Variants in ZNF277 observed in about 807,000 individuals in gnomAD.
The protein encoded by ZNF277 is nuclear receptor-interacting factor 4.
Under a neutral mutation model 60.7 loss-of-function variants are expected in ZNF277, and 55 were observed. That is an observed-to-expected ratio of 0.91 (90% confidence interval 0.73 to 1.13). The LOEUF is 1.13. Among genes scored for constraint, ZNF277 ranks in the 50% most tolerant of loss-of-function variants. The probability of loss-of-function intolerance (pLI) is 0.00; values close to 1 mark genes in which losing one functional copy is unlikely to be tolerated. For synonymous variants in ZNF277, 178 were observed against 179.3 expected (o/e 0.99, Z 0.06); for missense variants, 510 against 523.0 (o/e 0.98, Z 0.24).
chr7:112,332,528 C>G (rs1041013807), intron 7 of ZNF277, among the ~76,000 whole-genome samples: 1 of 152,128 alleles, frequency 6.6e-6, no homozygotes, highest in Non-Finnish European at 1.5e-5. Context: ...ATGATCTATT[C>G]TCCCACCCTT....
chr7:112,217,647 G>T (rs541734530), intron 1 of ZNF277, among the ~76,000 whole-genome samples: 12 of 152,182 alleles, frequency 7.9e-5, no homozygotes, highest in Non-Finnish European at 1.8e-4. Context: ...AGAGATAACA[G>T]CCCTTTCCCA....
intron 4 of ZNF277, among the ~76,000 whole-genome samples, chr7:112,310,478 AGTGTGTGTGTGT>A (rs1554493410): frequency 8.0e-6 from 1 of 125,506 alleles, no homozygotes; most frequent in African/African-American, 3.9e-5. Context: ...AGAGAGAGAG[AGTGTGTGTGTGT>A]GTATGTATTT....
intron 6 of ZNF277, among the ~76,000 whole-genome samples, chr7:112,329,005 A>C (rs1269630343): frequency 6.6e-6 from 1 of 152,188 alleles, no homozygotes; most frequent in Non-Finnish European, 1.5e-5. Context: ...CTACCTATAA[A>C]ATAAGACCAG....
chr7:112,340,823 A>T, intron 10 of ZNF277, 49 bp from the exon 11 acceptor site: 1 of 1,541,426 alleles, frequency 6.5e-7, no homozygotes, highest in Non-Finnish European at 8.8e-7. Flanking sequence ...ATAGTGCAAA[A>T]AATGGGTCTG....
intron 1 of ZNF277, among the ~76,000 whole-genome samples, chr7:112,270,865 A>T (rs1791652711): frequency 6.6e-6 from 1 of 152,120 alleles, no homozygotes; most frequent in Non-Finnish European, 1.5e-5. Context: ...CACATAAAGC[A>T]TATCTCTGTC....
intron 1 of ZNF277, among the ~76,000 whole-genome samples, chr7:112,244,640 TTTTTC>T (rs1392066205): frequency 6.6e-6 from 1 of 152,082 alleles, no homozygotes; most frequent in Non-Finnish European, 1.5e-5. Flanking sequence ...CCCTAACCAG[TTTTTC>T]TTTTAAGTAT....
In ZNF277 at chr7:112,206,727, C is replaced by G; in HGVS notation, c.11C>G (p.Ser4Cys). 1 of 1,613,352 alleles carries G rather than the reference C, an allele frequency of 6.2e-7. No homozygotes were observed. The highest frequency in any genetic ancestry group is 2.2e-5 in the East Asian group (1 of 44,790). The change falls in exon 1 of 12, where the codon TCC becomes TGC. Residue 4 changes from serine (S) to cysteine (C), a missense_variant. Transcript: ENST00000361822. MAA[S>C]KTQGAVARMQ... ...CTTTTCTGCCGGGTAATGGCTGCTT[C>G]CAAGACCCAGGGGGCTGTCGCCCGA... is the stretch of plus-strand genomic sequence containing the variant.
At position 112,212,090 on chromosome 7, in the gene ZNF277, G is replaced by A. The variant is rs142017388; in HGVS notation, c.91+5283G>A. Among the ~76,000 whole-genome samples, 193 of 152,272 alleles carry A rather than the reference G, an allele frequency of 1.3e-3. 1 individual carries two copies. The highest frequency in any genetic ancestry group is 4.5e-3 in the African/African-American group (187 of 41,556). On this transcript the variant is annotated intron_variant, in intron 1 of 11. Coordinates refer to ENST00000361822, the MANE Select transcript of ZNF277 (RefSeq NM_021994.3). Reference sequence around the variant, plus strand: ...TATCAGGAGGATGATATTCTGTCAAGGTGATCATAGTTAGCATTTAAGGAT... The same window carrying A: ...TATCAGGAGGATGATATTCTGTCAAAGTGATCATAGTTAGCATTTAAGGAT...
intron 1 of ZNF277, among the ~76,000 whole-genome samples, chr7:112,207,638 C>T (rs962590260): frequency 1.4e-4 from 22 of 152,094 alleles, no homozygotes; most frequent in Admixed American, 2.6e-4. Flanking sequence ...TAGTCTATCC[C>T]TCCCCCATTC....
chr7:112,292,813 A>G (rs1441464343), intron 2 of ZNF277, among the ~76,000 whole-genome samples: 1 of 152,144 alleles, frequency 6.6e-6, no homozygotes, highest in Non-Finnish European at 1.5e-5. Context: ...AGCCACCTAT[A>G]TGTGCCCTCT....
At chr7:112,248,412 T>G (rs1230646067) in intron 1 of ZNF277, among the ~76,000 whole-genome samples, 2 of 151,400 alleles carry the variant, frequency 1.3e-5, no homozygotes, top group East Asian at 3.9e-4. Context: ...GTCAGAAGAA[T>G]GAACAAGTGC....
intron 1 of ZNF277, among the ~76,000 whole-genome samples, chr7:112,267,981 A>G (rs1313225147): frequency 6.6e-6 from 1 of 152,098 alleles, no homozygotes; most frequent in Non-Finnish European, 1.5e-5. Flanking sequence ...CCCAGTTAAG[A>G]CCCATTCATA....
chr7:112,244,316 G>A (rs1377387725), intron 1 of ZNF277, among the ~76,000 whole-genome samples: 1 of 152,058 alleles, frequency 6.6e-6, no homozygotes, highest in African/African-American at 2.4e-5. Flanking sequence ...GTCTTTCTGT[G>A]CAAATAAGAT....
chr7:112,304,500 T>C (rs1007863656), intron 4 of ZNF277, among the ~76,000 whole-genome samples: 11 of 152,124 alleles, frequency 7.2e-5, no homozygotes, highest in African/African-American at 2.7e-4. Flanking sequence ...TGAAAGTTGT[T>C]GAAGCTATAC....
chr7:112,278,490 T>C (rs1007342047), intron 1 of ZNF277, among the ~76,000 whole-genome samples: 5 of 152,192 alleles, frequency 3.3e-5, no homozygotes, highest in Non-Finnish European at 7.4e-5. Flanking sequence ...GGATTAGTGA[T>C]AGGAACTAAC....
At chr7:112,255,608 C>T (rs983548241) in intron 1 of ZNF277, among the ~76,000 whole-genome samples, 2 of 152,148 alleles carry the variant, frequency 1.3e-5, no homozygotes, top group Non-Finnish European at 2.9e-5. Flanking sequence ...GTCAGTTAGT[C>T]CAAGGAATCA....
At chr7:112,320,259 T>A (rs552418161) in intron 5 of ZNF277, among the ~76,000 whole-genome samples, 1 of 152,266 alleles carries the variant, frequency 6.6e-6, no homozygotes, top group South Asian at 2.1e-4. Context: ...TAGGGTCACA[T>A]AGGAATTACA....
intron 1 of ZNF277, among the ~76,000 whole-genome samples, chr7:112,282,052 C>T (rs1791957909): frequency 6.6e-6 from 1 of 152,126 alleles, no homozygotes; most frequent in Non-Finnish European, 1.5e-5. Flanking sequence ...AGGGTGGTCT[C>T]AAACTCCTGA....
chr7:112,260,111 A>G (rs1791409719), intron 1 of ZNF277, among the ~76,000 whole-genome samples: 1 of 152,180 alleles, frequency 6.6e-6, no homozygotes. Flanking sequence ...TACTAAAAAT[A>G]CAAAAATTAT....
Sources: gnomAD v4.1 joint callset for allele counts (sites outside exome capture counted in the v4.1 genomes callset) on GRCh38, gnomAD v4.1.1 for gene constraint, MANE v1.5 for transcripts, NCBI Gene and HGNC (gene_info 2026-07-23, HGNC 2026-07-21) for gene names.